Variants in ATP2B4 observed in about 807,000 individuals in gnomAD.
The protein encoded by ATP2B4 is ATPase plasma membrane Ca2+ transporting 4.
Under a neutral mutation model 110.3 loss-of-function variants are expected in ATP2B4, and 39 were observed. The ratio of observed to expected loss-of-function variants is 0.35; its 90% CI spans 0.27 to 0.46. The LOEUF (loss-of-function observed/expected upper bound fraction) is 0.46. ATP2B4 is among the 20% of genes least tolerant of loss of function. ATP2B4 has a pLI of 1.00. For missense variants in ATP2B4, 1,135 were observed against 1,530.9 expected, an observed-to-expected ratio of 0.74 and a Z score of 4.32; for synonymous variants, 538 against 571.7, an observed-to-expected ratio of 0.94 and a Z score of 0.84.
intron 1 of ATP2B4, among the ~76,000 whole-genome samples, chr1:203,645,481 T>A (rs1015971125): frequency 6.6e-6 from 1 of 152,294 alleles, no homozygotes; most frequent in East Asian, 1.9e-4. Flanking sequence ...TTTTATTTTG[T>A]TTTGTTTTTC....
rs779048789 is a variant in ATP2B4 at position 203,686,685 on chromosome 1, CTTTTTTTTT to C, written c.193+3305_193+3313del. Among the ~76,000 whole-genome samples, 12 of 42,784 alleles carry C rather than the reference CTTTTTTTTT, an allele frequency of 2.8e-4. 1 individual carries two copies. The highest frequency in any genetic ancestry group is 1.9e-3 in the Admixed American group (4 of 2,116). 28.1% of individuals were successfully genotyped at this position (42,784 alleles called of 152,430 possible). On this transcript the variant is annotated intron_variant, in intron 2 of 20. Transcript: ENST00000357681. ...CCTGGTGTTTTTCTTTCTTTTCTTT[CTTTTTTTTT>C]TTTTTTTTTTTTTTTTTAGAAGGAG... is the stretch of plus-strand genomic sequence containing the variant.
At chr1:203,715,477 T>C (rs1666135032) in intron 15 of ATP2B4, among the ~76,000 whole-genome samples, 5 of 137,966 alleles carry the variant, frequency 3.6e-5, no homozygotes, top group African/African-American at 5.3e-5. Context: ...CACTTGAACC[T>C]GGGAGGCAGA....
intron 1 of ATP2B4, among the ~76,000 whole-genome samples, chr1:203,675,947 C>T (rs1036557674): frequency 6.6e-6 from 1 of 152,070 alleles, no homozygotes; most frequent in Admixed American, 6.6e-5. Context: ...GAGACATGAA[C>T]CAGAACCCAG....
intron 5 of ATP2B4, 114 bp downstream of exon 5, chr1:203,700,445 G>C (rs1665658179): frequency 7.2e-7 from 1 of 1,395,036 alleles, no homozygotes; most frequent in Non-Finnish European, 9.7e-7. Context: ...CTGGGGTTCA[G>C]CTGGGGCAAC....
intron 1 of ATP2B4, among the ~76,000 whole-genome samples, chr1:203,645,577 C>T (rs10900539): frequency 0.98 from 148,260 of 151,186 alleles, 72,791 homozygotes; most frequent in Middle Eastern, 1. Context: ...CCAGCTTATA[C>T]TCCCTTTTCT....
At chr1:203,680,497 C>T (rs1250723190) in intron 1 of ATP2B4, among the ~76,000 whole-genome samples, 2 of 151,662 alleles carry the variant, frequency 1.3e-5, no homozygotes, top group Middle Eastern at 3.4e-3. Flanking sequence ...TGGTCCCAGC[C>T]ACTCGGGAGG....
chr1:203,701,011 G>A, intron 6 of ATP2B4, 88 bp downstream of exon 6: 2 of 1,462,654 alleles, frequency 1.4e-6, no homozygotes, highest in Non-Finnish European at 1.8e-6. Flanking sequence ...TAGAAAGCAT[G>A]GTTGGAAGAA....
rs1331951688 is a variant in ATP2B4, at chr1:203,727,558, G to A, written c.3296G>A (p.Arg1099His). The change falls in exon 20 of 21, where the codon CGT becomes CAT. Residue 1099 changes from arginine to histidine, a missense_variant. Physicochemically the swap from Arg to His is conservative, Grantham distance 29 (BLOSUM62 0). Transcript: ENST00000357681. ...GQILWFRGLNRIQTQIKVVKA... is the reference protein window; with the variant it reads ...GQILWFRGLNHIQTQIKVVKA... ...ATCCTCTGGTTCCGGGGCCTGAACC[G>A]TATCCAGACTCAGGTACTCTGATAG... is the stretch of plus-strand genomic sequence containing the variant. 2 of 1,613,862 alleles carry A rather than the reference G, an allele frequency of 1.2e-6. No homozygotes were observed. Among genetic ancestry groups the A allele is most frequent in the Non-Finnish European group, 1.7e-6 (2 of 1,179,928 alleles).
intron 1 of ATP2B4, among the ~76,000 whole-genome samples, chr1:203,632,707 A>C (rs1423638454): frequency 6.6e-6 from 1 of 151,920 alleles, no homozygotes; most frequent in Non-Finnish European, 1.5e-5. Flanking sequence ...AAAAAAAAAA[A>C]AAAAAACCAC....
In ATP2B4 at chr1:203,722,620, G is replaced by T. The variant is rs1666371880; in HGVS notation, c.2955G>T (p.Lys985Asn). ...EINSRKIHGE[K>N]NVFSGIYRNI... is the part of the protein sequence containing the mutation. ...ACTCCCGAAAGATCCATGGAGAGAA[G>T]AACGTCTTTTCAGGCATCTACCGCA... Residue 985 changes from lysine (K) to asparagine (N), a missense_variant, in exon 18 of 21, where the codon AAG becomes AAT. Physicochemically the swap from Lys to Asn is moderately conservative, Grantham distance 94 (BLOSUM62 0). This residue lies in a region of ATP2B4 where 155 missense variants were observed against 186.2 expected (regional missense o/e 0.83). Coordinates refer to ENST00000357681, the MANE Select transcript of ATP2B4 (RefSeq NM_001684.5). 1 of 1,614,204 alleles carries T rather than the reference G, an allele frequency of 6.2e-7. No individual in the cohort carries two copies. The highest frequency in any genetic ancestry group is 1.3e-5 in the African/African-American group (1 of 75,052).
intron 1 of ATP2B4, among the ~76,000 whole-genome samples, chr1:203,662,223 T>C (rs1422024606): frequency 6.6e-6 from 1 of 152,204 alleles, no homozygotes; most frequent in Non-Finnish European, 1.5e-5. Context: ...AGACAGGGTT[T>C]CACCGTGTTA....
intron 2 of ATP2B4, among the ~76,000 whole-genome samples, chr1:203,697,703 T>A (rs1195304906): frequency 6.6e-6 from 1 of 152,174 alleles, no homozygotes; most frequent in Admixed American, 6.5e-5. Context: ...GGGTCTTTTT[T>A]ATTTATTTTA....
chr1:203,655,336 G>A (rs1344504836), intron 1 of ATP2B4, among the ~76,000 whole-genome samples: 2 of 99,262 alleles, frequency 2.0e-5, no homozygotes, highest in South Asian at 8.8e-4. Context: ...TCAAATATCA[G>A]TCCTTCATGG....
chr1:203,722,446 T>C (rs1666365705), intron 17 of ATP2B4, 32 bp from the exon 18 acceptor site: 1 of 1,549,886 alleles, frequency 6.5e-7, no homozygotes, highest in African/African-American at 1.4e-5. Flanking sequence ...CAGACCACAC[T>C]TAACCTCCAG....
intron 18 of ATP2B4, 91 bp from the exon 19 acceptor site, chr1:203,723,790 T>C (rs1220288011): frequency 7.4e-6 from 7 of 948,790 alleles, no homozygotes; most frequent in Non-Finnish European, 1.1e-5. Context: ...TCCTGAGGAG[T>C]GGGATGATGT....
chr1:203,726,645 A>C (rs1197224737), intron 19 of ATP2B4, among the ~76,000 whole-genome samples: 1 of 151,986 alleles, frequency 6.6e-6, no homozygotes, highest in African/African-American at 2.4e-5. Context: ...CCTTGACTCC[A>C]TATCAGATTG....
chr1:203,657,299 C>T, intron 1 of ATP2B4: 1 of 731,822 alleles, frequency 1.4e-6, no homozygotes, highest in Non-Finnish European at 2.5e-6. Context: ...GTTTAGTAAC[C>T]ACCCTCTTCC....
At chr1:203,710,810 G>T in intron 11 of ATP2B4, 67 bp from the exon 12 acceptor site, 1 of 1,287,452 alleles carries the variant, frequency 7.8e-7, no homozygotes, top group Non-Finnish European at 1.1e-6. Flanking sequence ...CAAAATACCT[G>T]TCAATGATTG....
chr1:203,735,753 CCT>C (rs900969836), intron 20 of ATP2B4, among the ~76,000 whole-genome samples: 1 of 152,234 alleles, frequency 6.6e-6, no homozygotes, highest in Non-Finnish European at 1.5e-5. Context: ...CTTTCATATT[CCT>C]CTCTTAATTC....
Sources: gnomAD v4.1 joint callset for allele counts (sites outside exome capture counted in the v4.1 genomes callset) on GRCh38, gnomAD v4.1.1 for gene constraint, gnomAD v4.1.1 regional missense constraint, MANE v1.5 for transcripts, NCBI Gene and HGNC (gene_info 2026-07-23, HGNC 2026-07-21) for gene names.